TCF12: variants seen among roughly 807,000 people sequenced by gnomAD.
The protein encoded by TCF12 is transcription factor 12.
A neutral mutation model predicts 86.0 loss-of-function variants in TCF12; 45 were observed. The ratio of observed to expected loss-of-function variants is 0.52; its 90% CI spans 0.41 to 0.67. The LOEUF is 0.67. Among genes scored for constraint, TCF12 ranks in the 30% least tolerant of loss-of-function variants. The probability of loss-of-function intolerance (pLI) is 0.00; values close to 1 mark genes in which losing one functional copy is unlikely to be tolerated. For synonymous variants in TCF12, 330 were observed against 299.6 expected, an observed-to-expected ratio of 1.10 and a Z score of -1.05; for missense variants, 881 against 859.9, an observed-to-expected ratio of 1.02 and a Z score of -0.31.
chr15:57,088,938 A>C (rs1270678756), intron 4 of TCF12, among the ~76,000 whole-genome samples: 2 of 152,118 alleles, frequency 1.3e-5, no homozygotes, highest in East Asian at 3.8e-4. Context: ...TTTGTGAATT[A>C]TTTCATAACT....
intron 5 of TCF12, among the ~76,000 whole-genome samples, chr15:57,143,927 C>T (rs1026817347): frequency 6.6e-6 from 1 of 152,106 alleles, no homozygotes; most frequent in Admixed American, 6.5e-5. Flanking sequence ...ATTAGAGTTG[C>T]TCCTGGGGAG....
intron 18 of TCF12, among the ~76,000 whole-genome samples, chr15:57,263,978 C>T (rs553927036): frequency 1.3e-5 from 2 of 152,178 alleles, no homozygotes; most frequent in Non-Finnish European, 2.9e-5. Flanking sequence ...CATTTCTGTA[C>T]ACTATTGTAG....
At chr15:57,032,353 T>G (rs1284113637) in intron 3 of TCF12, among the ~76,000 whole-genome samples, 1 of 152,218 alleles carries the variant, frequency 6.6e-6, no homozygotes, top group African/African-American at 2.4e-5. Context: ...CAGACTGACC[T>G]TAAACAGGTT....
chr15:57,258,119 G>C (rs748520051), intron 16 of TCF12, among the ~76,000 whole-genome samples: 5 of 152,120 alleles, frequency 3.3e-5, no homozygotes, highest in Non-Finnish European at 5.9e-5. Context: ...GGGCAACATA[G>C]GGAGACCTCA....
Position 57,075,835 on chromosome 15 carries a change from T to TCTTTTCTTTCTTTCTTTCTTTCTTTC in TCF12, c.222+12012_222+12013insCTTTTCTTTCTTTCTTTCTTTCTTTC, listed in dbSNP as rs778545170. On this transcript the variant is annotated intron_variant, in intron 4 of 20. Coordinates refer to ENST00000333725, the MANE Select transcript of TCF12 (RefSeq NM_207037.2). ...CTCTCTCTCTCTCTCTCTCTCTCTC[T>TCTTTTCTTTCTTTCTTTCTTTCTTTC]TTTCTTTCTTTCTTTCTTTCTTTCT... Among the ~76,000 whole-genome samples the TCTTTTCTTTCTTTCTTTCTTTCTTTC allele has an allele frequency of 4.2e-3, 212 of 49,976 alleles. 5 individuals are homozygous for TCTTTTCTTTCTTTCTTTCTTTCTTTC. The highest frequency in any genetic ancestry group is 0.012 in the South Asian group (14 of 1,166). The allele number at this position is 49,976 out of a possible 152,430, so 32.8% of individuals were successfully genotyped here.
intron 3 of TCF12, among the ~76,000 whole-genome samples, chr15:56,940,197 A>G (rs1322018161): frequency 6.6e-6 from 1 of 151,902 alleles, no homozygotes; most frequent in African/African-American, 2.4e-5. Flanking sequence ...AGGTTATATA[A>G]TCTAGTATTA....
At chr15:57,208,389 T>TTTTTTTTC (rs1566917894) in intron 8 of TCF12, among the ~76,000 whole-genome samples, 1 of 108,122 alleles carries the variant, frequency 9.2e-6, no homozygotes, top group African/African-American at 4.0e-5. Flanking sequence ...CCTTTTTTTT[T>TTTTTTTTC]TTTTTTTTTT....
At chr15:57,275,747 T>C (rs2061371716) in intron 19 of TCF12, among the ~76,000 whole-genome samples, 1 of 152,084 alleles carries the variant, frequency 6.6e-6, no homozygotes, top group African/African-American at 2.4e-5. Flanking sequence ...GCTCCCCTTC[T>C]GATTTGGGAT....
chr15:57,159,645 A>G (rs2054354989), intron 5 of TCF12, among the ~76,000 whole-genome samples: 1 of 152,232 alleles, frequency 6.6e-6, no homozygotes, highest in South Asian at 2.1e-4. Context: ...TGTTGATCTC[A>G]TTAACTTTTT....
intron 4 of TCF12, among the ~76,000 whole-genome samples, chr15:57,084,381 G>A (rs2048495938): frequency 6.6e-6 from 1 of 152,202 alleles, no homozygotes; most frequent in Admixed American, 6.5e-5. Flanking sequence ...ATTTGATGTA[G>A]TGCTAGTGAG....
At chr15:57,017,751 C>G (rs1314490047) in intron 3 of TCF12, among the ~76,000 whole-genome samples, 3 of 125,550 alleles carry the variant, frequency 2.4e-5, no homozygotes, top group Non-Finnish European at 5.1e-5. Context: ...TTTGCCTGAA[C>G]ATTGCCTCAT....
At chr15:56,977,152 A>T (rs1245451585) in intron 3 of TCF12, among the ~76,000 whole-genome samples, 4 of 152,174 alleles carry the variant, frequency 2.6e-5, no homozygotes, top group African/African-American at 4.8e-5. Flanking sequence ...TTGTTCCCTG[A>T]CGCTTTTGGA....
In TCF12 at chr15:57,253,404, T is replaced by C. The variant is rs147539125; in HGVS notation, c.1403T>C (p.Ile468Thr). The change falls in exon 16 of 21, where the codon ATT becomes ACT. Residue 468 changes from isoleucine to threonine, a missense_variant. Ile to Thr is a moderately conservative substitution (Grantham distance 89). Around this residue, in one of 3 missense-constraint regions of TCF12, gnomAD observed 766 missense variants for 718.9 expected, o/e 1.07. Coordinates refer to ENST00000333725, the MANE Select transcript of TCF12 (RefSeq NM_207037.2). ...TTGGGACCATCCCATAATGCACCAATTGGAAGCCTCAATTCAAACTATGGA... is the reference window on the plus strand; with the variant it reads ...TTGGGACCATCCCATAATGCACCAACTGGAAGCCTCAATTCAAACTATGGA... ...SLLGPSHNAP[I>T]GSLNSNYGGS... The C allele has an allele frequency of 3.1e-6, 5 of 1,613,998 alleles. No individual in the cohort carries two copies. The highest frequency in any genetic ancestry group is 1.3e-5 in the African/African-American group (1 of 74,918).
intron 3 of TCF12, among the ~76,000 whole-genome samples, chr15:57,016,063 G>T (rs2065136169): frequency 6.6e-6 from 1 of 152,166 alleles, no homozygotes; most frequent in Non-Finnish European, 1.5e-5. Context: ...GAATTTCCTG[G>T]AGGGGCTGAC....
At chr15:57,270,912 A>G (rs2061108352) in intron 18 of TCF12, among the ~76,000 whole-genome samples, 1 of 152,034 alleles carries the variant, frequency 6.6e-6, no homozygotes, top group Non-Finnish European at 1.5e-5. Flanking sequence ...AACAGCAAAT[A>G]TTGCTGCCTG....
chr15:56,939,967 G>GTTTTTTTT (rs67832685), intron 3 of TCF12, among the ~76,000 whole-genome samples: 7 of 104,718 alleles, frequency 6.7e-5, no homozygotes, highest in East Asian at 6.2e-4. Flanking sequence ...TTAATAGCGT[G>GTTTTTTTT]TTTTTTTTTT....
chr15:56,966,177 G>GGC, intron 3 of TCF12, among the ~76,000 whole-genome samples: 1 of 151,984 alleles, frequency 6.6e-6, no homozygotes, highest in African/African-American at 2.4e-5. Flanking sequence ...TTCTTAATTT[G>GGC]TGAATTTTTA....
At chr15:57,068,589 C>T (rs1476613976) in intron 4 of TCF12, among the ~76,000 whole-genome samples, 2 of 152,166 alleles carry the variant, frequency 1.3e-5, no homozygotes, top group Non-Finnish European at 2.9e-5. Context: ...TCTAGTATAA[C>T]ACCTTATACA....
chr15:57,152,451 G>T (rs2053829702), intron 5 of TCF12, among the ~76,000 whole-genome samples: 1 of 152,108 alleles, frequency 6.6e-6, no homozygotes, highest in Non-Finnish European at 1.5e-5. Context: ...CTAAGATATT[G>T]AAAGGATCTA....
Sources: allele counts gnomAD v4.1 joint callset (sites outside exome capture counted in the v4.1 genomes callset), GRCh38; gene constraint gnomAD v4.1.1; regional missense constraint gnomAD v4.1.1; transcripts MANE v1.5; gene names NCBI Gene and HGNC (gene_info 2026-07-23, HGNC 2026-07-21).